Variants in TSEN54 observed in about 807,000 individuals in gnomAD.
TSEN54 encodes the protein tRNA-splicing endonuclease subunit Sen54.
Under a neutral mutation model 61.9 loss-of-function variants are expected in TSEN54, and 55 were observed. That is an observed-to-expected ratio of 0.89 (90% CI 0.72 to 1.11). The LOEUF (loss-of-function observed/expected upper bound fraction) is 1.11, where lower values mean the gene tolerates loss of function less well. Ranked by LOEUF, TSEN54 falls within the 50% of genes most tolerant of loss-of-function variation. The probability of loss-of-function intolerance (pLI) is 0.00; values close to 1 mark genes in which losing one functional copy is unlikely to be tolerated. For missense variants in TSEN54, 760 were observed against 687.7 expected (o/e 1.11, Z -1.18); for synonymous variants, 304 against 288.7 (o/e 1.05, Z -0.54).
rs1341588611 is a variant in TSEN54, at chr17:75,516,804, G to T, written c.115G>T (p.Gly39Cys). 2 of 1,589,050 alleles carry T rather than the reference G, an allele frequency of 1.3e-6. No individual in the cohort carries two copies. Among genetic ancestry groups the T allele is most frequent in the Non-Finnish European group, 1.7e-6 (2 of 1,174,932 alleles). ...RSQKLPQRSH[G>C]PKDFLPDGSA... Reference sequence around the variant, plus strand: ...GCAGAAGCTGCCCCAGCGCTCGCATGGCCCCAAGGACTTTCTGCCCGACGG... The same window carrying T: ...GCAGAAGCTGCCCCAGCGCTCGCATTGCCCCAAGGACTTTCTGCCCGACGG... Residue 39 changes from glycine (G) to cysteine (C), a missense_variant, in exon 2 of 11, where the codon GGC (glycine) becomes TGC (cysteine). By Grantham distance (159) the Gly-to-Cys change is radical. This residue lies in a region of TSEN54 where 667 missense variants were observed against 577.8 expected (regional missense o/e 1.15). Transcript: ENST00000333213.
rs200508248 is a variant in TSEN54, at chr17:75,520,585, C to CAAAAAAAAAA, written c.522-823_522-814dup. ...TGGGCGAAAAAGCGAAACTCTATCT[C>CAAAAAAAAAA]AAAAAAAAAAGCAAACTTAAATAGC... On this transcript the variant is annotated intron_variant, in intron 6 of 10. Coordinates refer to ENST00000333213, the MANE Select transcript of TSEN54 (RefSeq NM_207346.3). 4.7e-4 allele frequency among the ~76,000 whole-genome samples: 62 copies of CAAAAAAAAAA among 131,746 alleles called. 1 individual carries two copies. In the Middle Eastern group the frequency reaches 0.013, roughly 27 times the overall value. The allele number at this position is 131,746 out of a possible 152,430, so 86.4% of individuals were successfully genotyped here.
In TSEN54 at chr17:75,517,611, C is replaced by T. The variant is rs532966530; in HGVS notation, c.424C>T (p.Gln142Ter). 1.9e-6 allele frequency: 3 copies of T among 1,613,974 alleles called. No homozygotes were observed. In the South Asian group the frequency reaches 3.3e-5, roughly 18 times the overall value. The change falls in exon 5 of 11, where the codon CAG becomes TAG. Residue 142 changes from glutamine (Q) to a stop codon, truncating the protein, a stop_gained. Coordinates refer to ENST00000333213, the MANE Select transcript of TSEN54 (RefSeq NM_207346.3). LOFTEE classifies it high-confidence loss of function. Reference protein sequence around the residue: ...DLPLSIQEAYQLLLTDHTVTF... With the variant: ...DLPLSIQEAY ...GCCACTGTCTATCCAGGAAGCTTAC[C>T]AGCTGCTGCTGACCGACCACACTGT...
intron 9 of TSEN54, 22 bp downstream of exon 9, chr17:75,523,357 T>C: frequency 6.2e-7 from 1 of 1,613,882 alleles, no homozygotes; most frequent in Non-Finnish European, 8.5e-7. Context: ...AGCAGTGCCG[T>C]CTCTGCAGTA....
Position 75,522,030 on chromosome 17 carries a change from G to T in TSEN54, c.949G>T (p.Ala317Ser), listed in dbSNP as rs201125812. ...AGACAGCCGCCACACCCTTCTGCGC[G>T]CCCCAGCCCCAGAGCTGCTCCCGGC... ...ASDSRHTLLR[A>S]PAPELLPANV... is the part of the protein sequence containing the mutation. Residue 317 changes from alanine to serine, a missense_variant, in exon 8 of 11, where the codon GCC (alanine) becomes TCC (serine). Ala to Ser is a moderately conservative substitution (Grantham distance 99, BLOSUM62 1). This residue lies in a region of TSEN54 where 667 missense variants were observed against 577.8 expected (regional missense o/e 1.15). Transcript: ENST00000333213. 20 of 1,591,856 alleles carry T rather than the reference G, an allele frequency of 1.3e-5. No homozygotes were observed. The East Asian group carries it at 2.1e-4, about 16-fold the overall frequency.
rs2147009240 is a variant in TSEN54, at chr17:75,518,768, T to C, written c.469-227T>C. ...ATCAGTTTTTTTGGATTTGGCTAAA[T>C]GTCATTTGTGCCGAGTAAGGTAAGT... On this transcript the variant is annotated intron_variant, in intron 5 of 10. Transcript: ENST00000333213. The C allele has an allele frequency of 3.0e-6, 3 of 985,448 alleles. No individual in the cohort carries two copies. In the South Asian group the frequency reaches 1.4e-4, roughly 46 times the overall value. 61.0% of individuals were successfully genotyped at this position (985,448 alleles called of 1,614,324 possible). A position where few individuals can be genotyped will look rare whatever the true frequency, so the allele number is the denominator to read the frequency against.
In TSEN54 at chr17:75,524,730, C is replaced by A. The variant is rs1315509740; in HGVS notation, c.*318C>A. The stretch of plus-strand genomic sequence containing the variant: ...AGCCAAAGCCATTAAAAATAGATTT[C>A]TTTTCTGCTGTTTCTGTATGTACTG... On this transcript the variant is annotated 3_prime_UTR_variant, in exon 11 of 11. Coordinates refer to ENST00000333213, the MANE Select transcript of TSEN54 (RefSeq NM_207346.3). The A allele has an allele frequency of 6.9e-6, 3 of 432,852 alleles. No individual in the cohort carries two copies. The highest frequency in any genetic ancestry group is 1.3e-5 in the Non-Finnish European group (3 of 231,000). The allele number at this position is 432,852 out of a possible 1,614,324, so 26.8% of individuals were successfully genotyped here.
intron 5 of TSEN54, chr17:75,518,503 C>T (rs765728603): frequency 2.9e-4 from 288 of 983,632 alleles, no homozygotes; most frequent in Non-Finnish European, 3.3e-4. Context: ...CTGCTGAGAT[C>T]AAGCAGGATG....
Position 75,521,517 on chromosome 17 carries a change from C to T in TSEN54, c.623+7C>T. 1.2e-6 allele frequency: 2 copies of T among 1,613,534 alleles called. No homozygotes were observed. The highest frequency in any genetic ancestry group is 1.7e-6 in the Non-Finnish European group (2 of 1,179,560). On this transcript the variant is annotated splice_region_variant and intron_variant, in intron 7 of 10. Transcript: ENST00000333213. ...GGAGCAGCTCCAGCCCTCGGTAACT[C>T]CCACATCACGGTGGCCCCCCAGGGA...
chr17:75,522,198 C>T lies in TSEN54; in HGVS notation c.1117C>T (p.Gln373Ter), dbSNP rs778884343. 6.4e-7 allele frequency: 1 copy of T among 1,550,452 alleles called. No homozygotes were observed. The highest frequency in any genetic ancestry group is 8.7e-7 in the Non-Finnish European group (1 of 1,145,738). ...QEDVNADPEV[Q>*]RCSSWREYKE... ...AGATGTCAACGCCGATCCCGAGGTG[C>T]AGCGGTGCTCCAGCTGGCGGGAGTA... The change falls in exon 8 of 11, where the codon CAG becomes TAG. Residue 373 changes from glutamine (Q) to a stop codon, truncating the protein, a stop_gained. Coordinates refer to ENST00000333213, the MANE Select transcript of TSEN54 (RefSeq NM_207346.3). LOFTEE classifies it high-confidence loss of function.
Position 75,516,593 on chromosome 17 carries a change from G to C in TSEN54, c.33G>C (p.Glu11Asp). 2 of 1,166,598 alleles carry C rather than the reference G, an allele frequency of 1.7e-6. No individual in the cohort carries two copies. Among genetic ancestry groups the C allele is most frequent in the Non-Finnish European group, 2.1e-6 (2 of 947,336 alleles). The allele number at this position is 1,166,598 out of a possible 1,614,324, so 72.3% of individuals were successfully genotyped here. MEPEPEPAAV[E>D]VPAGRVLSAR... is the part of the protein sequence containing the mutation. ...CCGAGCCCGAGCCCGCGGCCGTGGA[G>C]GTTCCCGCGGGGCGCGTGCTCAGGT... The change falls in exon 1 of 11, where the codon GAG (glutamate) becomes GAC (aspartate). Residue 11 changes from glutamate (E) to aspartate (D), a missense_variant. By Grantham distance (45) the Glu-to-Asp change is conservative. Coordinates refer to ENST00000333213, the MANE Select transcript of TSEN54 (RefSeq NM_207346.3).
rs2053429740 is a variant in TSEN54, at chr17:75,521,805, G to C, written c.724G>C (p.Glu242Gln). ...CTGCAGCCAGCCCAGCCAATGCCCA[G>C]AGGAGAAACCCCAGGAGTCAAGCCC... ...PPCSQPSQCP[E>Q]EKPQESSPMK... Residue 242 changes from glutamate (E) to glutamine (Q), a missense_variant, in exon 8 of 11, where the codon GAG becomes CAG. Glu to Gln is a conservative substitution (Grantham distance 29, BLOSUM62 2). Coordinates refer to ENST00000333213, the MANE Select transcript of TSEN54 (RefSeq NM_207346.3). 1.2e-6 allele frequency: 2 copies of C among 1,613,130 alleles called. No individual in the cohort carries two copies. Among genetic ancestry groups the C allele is most frequent in the East Asian group, 2.2e-5 (1 of 44,852 alleles).
At chr17:75,523,145 C>A in intron 8 of TSEN54, 130 bp from the exon 9 acceptor site, 1 of 1,230,316 alleles carries the variant, frequency 8.1e-7, no homozygotes, top group Non-Finnish European at 1.2e-6. Flanking sequence ...CGCCACTATA[C>A]TCCAGCCTGG....
intron 5 of TSEN54, chr17:75,518,441 C>T: frequency 1.2e-6 from 1 of 848,240 alleles, no homozygotes; most frequent in Non-Finnish European, 1.4e-6. Context: ...AGTCGCATCA[C>T]AGAAGCCAAA....
Position 75,523,304 on chromosome 17 carries a change from C to T in TSEN54, c.1282C>T (p.Gln428Ter), listed in dbSNP as rs755443265. Residue 428 changes from glutamine to a stop codon, truncating the protein, a stop_gained, in exon 9 of 11, where the codon CAG becomes TAG. Coordinates refer to ENST00000333213, the MANE Select transcript of TSEN54 (RefSeq NM_207346.3). LOFTEE classifies it high-confidence loss of function. ...GGTCCTTCAGCATATCTCTGTGCTG[C>T]AGACAACACACCTTCCTGATGGAGG... ...AVVLQHISVL[Q>*]TTHLPDGGAR... The T allele has an allele frequency of 6.2e-7, 1 of 1,614,184 alleles. No individual in the cohort carries two copies. The highest frequency in any genetic ancestry group is 2.2e-5 in the East Asian group (1 of 44,886).
chr17:75,517,680 G>C (rs1476071780), intron 5 of TSEN54, 25 bp downstream of exon 5: 1 of 1,586,058 alleles, frequency 6.3e-7, no homozygotes. Context: ...CCCGCCTCCG[G>C]GAGCCACCCA....
At chr17:75,522,451 G>A (rs1133933) in intron 8 of TSEN54, 118 bp downstream of exon 8, 1 of 1,520,338 alleles carries the variant, frequency 6.6e-7, no homozygotes, top group Non-Finnish European at 8.8e-7. Context: ...GTGGGAGGAG[G>A]GAGTGGACCC....
chr17:75,517,670 C>T lies in TSEN54; in HGVS notation c.468+15C>T. The stretch of plus-strand genomic sequence containing the variant: ...TGCAGTACCAGGTATCTGCCACCAC[C>T]CCGCCTCCGGGAGCCACCCATCCAC... On this transcript the variant is annotated intron_variant, in intron 5 of 10. Transcript: ENST00000333213. 1.2e-6 allele frequency: 2 copies of T among 1,608,882 alleles called. No individual in the cohort carries two copies. Among genetic ancestry groups the T allele is most frequent in the Non-Finnish European group, 1.7e-6 (2 of 1,176,088 alleles).
At chr17:75,521,365 TGAG>T (rs1568002960) in intron 6 of TSEN54, 41 bp from the exon 7 acceptor site, 2 of 1,514,054 alleles carry the variant, frequency 1.3e-6, no homozygotes, top group Non-Finnish European at 1.8e-6. Flanking sequence ...ATCCCCAGGC[TGAG>T]GAGGTGGGTC....
rs373138654 is a variant in TSEN54 at position 75,523,879 on chromosome 17, C to T, written c.1430+100C>T. ...ACTCCCCTGGCCAGCGTGCCAATCT[C>T]TGAGAGGAACAGGAGGTCCAGAGAG... is the stretch of plus-strand genomic sequence containing the variant. On this transcript the variant is annotated intron_variant, in intron 10 of 10. Coordinates refer to ENST00000333213, the MANE Select transcript of TSEN54 (RefSeq NM_207346.3). The T allele has an allele frequency of 2.9e-5, 39 of 1,340,388 alleles. No individual in the cohort carries two copies. In the African/African-American group the frequency reaches 5.2e-4, roughly 18 times the overall value. The allele number at this position is 1,340,388 out of a possible 1,614,324, so 83.0% of individuals were successfully genotyped here.
Sources: gnomAD v4.1 joint callset for allele counts (sites outside exome capture counted in the v4.1 genomes callset) on GRCh38, gnomAD v4.1.1 for gene constraint, gnomAD v4.1.1 regional missense constraint, MANE v1.5 for transcripts, NCBI Gene and HGNC (gene_info 2026-07-23, HGNC 2026-07-21) for gene names.